Variants in NIM1K observed in about 807,000 individuals in gnomAD.
The protein encoded by NIM1K is serine/threonine-protein kinase NIM1.
A neutral mutation model predicts 37.1 loss-of-function variants in NIM1K; 35 were observed. That is an observed-to-expected ratio of 0.94 (90% CI 0.72 to 1.25). The LOEUF is 1.25. Among genes scored for constraint, NIM1K ranks in the 50% most tolerant of loss-of-function variants. The pLI is 0.00. For missense variants in NIM1K, 564 were observed against 548.0 expected, an observed-to-expected ratio of 1.03 and a Z score of -0.29; for synonymous variants, 234 against 206.6, an observed-to-expected ratio of 1.13 and a Z score of -1.14.
At chr5:43,226,173 G>A (rs1438299755) in intron 1 of NIM1K, among the ~76,000 whole-genome samples, 1 of 152,236 alleles carries the variant, frequency 6.6e-6, no homozygotes, top group Non-Finnish European at 1.5e-5. Flanking sequence ...GGCCTTGAAT[G>A]CCCTTTTAAG....
intron 1 of NIM1K, among the ~76,000 whole-genome samples, chr5:43,218,173 G>T (rs1752330234): frequency 6.6e-6 from 1 of 151,824 alleles, no homozygotes; most frequent in Admixed American, 6.6e-5. Context: ...ACCATGCCCG[G>T]CTAATTTTTG....
At chr5:43,208,907 A>G (rs746771246) in intron 1 of NIM1K, among the ~76,000 whole-genome samples, 14 of 152,216 alleles carry the variant, frequency 9.2e-5, no homozygotes, top group Non-Finnish European at 1.9e-4. Flanking sequence ...TGGCTCCCCT[A>G]GGGAAGTGTA....
chr5:43,225,025 A>G (rs1293906866), intron 1 of NIM1K, among the ~76,000 whole-genome samples: 1 of 152,154 alleles, frequency 6.6e-6, no homozygotes, highest in East Asian at 1.9e-4. Context: ...GGACAGATAC[A>G]AAAAGAGTGG....
intron 2 of NIM1K, among the ~76,000 whole-genome samples, chr5:43,269,767 C>T (rs1010746308): frequency 1.3e-5 from 2 of 152,000 alleles, no homozygotes; most frequent in African/African-American, 2.4e-5. Context: ...TACAGACACC[C>T]GCCACTACGC....
chr5:43,202,424 A>G (rs1315298179), intron 1 of NIM1K, among the ~76,000 whole-genome samples: 1 of 152,176 alleles, frequency 6.6e-6, no homozygotes, highest in African/African-American at 2.4e-5. Flanking sequence ...AGACAAAGTA[A>G]AGACATTTGG....
At chr5:43,193,908 C>G (rs571835950) in intron 1 of NIM1K, among the ~76,000 whole-genome samples, 18 of 152,244 alleles carry the variant, frequency 1.2e-4, no homozygotes, top group Non-Finnish European at 2.4e-4. Flanking sequence ...TCGTTGTCAC[C>G]ATGGTAATAA....
Position 43,234,008 on chromosome 5 carries a change from CG to C in NIM1K, c.-694-11071del, listed in dbSNP as rs1752580903. Among the ~76,000 whole-genome samples the C allele has an allele frequency of 2.0e-5, 3 of 152,258 alleles. No individual in the cohort carries two copies. In the South Asian group the frequency reaches 6.2e-4, roughly 32 times the overall value. On this transcript the variant is annotated intron_variant, in intron 1 of 3. Coordinates refer to ENST00000326035, the MANE Select transcript of NIM1K (RefSeq NM_153361.4). ...GATGAAAATTTTCATTGCAGAAACTCGGGTTTCTATTGGGACATGACTTCAT... is the reference window on the plus strand; with the variant it reads ...GATGAAAATTTTCATTGCAGAAACTCGGTTTCTATTGGGACATGACTTCAT...
intron 1 of NIM1K, among the ~76,000 whole-genome samples, chr5:43,214,828 A>AC (rs1561075661): frequency 1.3e-5 from 2 of 150,456 alleles, no homozygotes; most frequent in South Asian, 2.1e-4. Context: ...AAAAAAAAAA[A>AC]AAACAAAAAA....
rs560006514 is a variant in NIM1K, at chr5:43,237,216, C to T, written c.-694-7866C>T. ...TCGCCCAGAAGTTTTGTAAGTTAAACTCAGAGAGAACAAAGGTGAGATGGT... is the reference window on the plus strand; with the variant it reads ...TCGCCCAGAAGTTTTGTAAGTTAAATTCAGAGAGAACAAAGGTGAGATGGT... On this transcript the variant is annotated intron_variant, in intron 1 of 3. Transcript: ENST00000326035. 5.3e-5 allele frequency among the ~76,000 whole-genome samples: 8 copies of T among 152,300 alleles called. No individual in the cohort carries two copies. In the East Asian group the frequency reaches 9.6e-4, roughly 18 times the overall value.
At chr5:43,236,016 G>C (rs1752616366) in intron 1 of NIM1K, among the ~76,000 whole-genome samples, 1 of 152,128 alleles carries the variant, frequency 6.6e-6, no homozygotes, top group South Asian at 2.1e-4. Flanking sequence ...GTTCACGCCT[G>C]TAATCACAGC....
intron 1 of NIM1K, among the ~76,000 whole-genome samples, chr5:43,208,400 C>T (rs1248675621): frequency 2.0e-5 from 3 of 151,952 alleles, no homozygotes; most frequent in Non-Finnish European, 2.9e-5. Context: ...GTCAGGAGTT[C>T]GAGAACAGCC....
chr5:43,203,249 G>A (rs537402697), intron 1 of NIM1K, among the ~76,000 whole-genome samples: 1 of 152,310 alleles, frequency 6.6e-6, no homozygotes, highest in East Asian at 1.9e-4. Context: ...GATATCTATA[G>A]TGTTAAATCA....
intron 2 of NIM1K, among the ~76,000 whole-genome samples, chr5:43,248,740 C>G (rs1185219163): frequency 6.6e-6 from 1 of 152,012 alleles, no homozygotes; most frequent in Non-Finnish European, 1.5e-5. Flanking sequence ...AGTCTGAAAG[C>G]CAACAGACTC....
At chr5:43,212,692 T>G (rs555569433) in intron 1 of NIM1K, among the ~76,000 whole-genome samples, 78 of 152,262 alleles carry the variant, frequency 5.1e-4, no homozygotes, top group Non-Finnish European at 9.3e-4. Context: ...TGCAGCCTGA[T>G]AGAGACACCA....
intron 1 of NIM1K, among the ~76,000 whole-genome samples, chr5:43,211,947 C>T (rs532147375): frequency 1.3e-5 from 2 of 152,280 alleles, no homozygotes; most frequent in East Asian, 3.9e-4. Context: ...TCAAACCACA[C>T]ATGCAACTCA....
intron 1 of NIM1K, among the ~76,000 whole-genome samples, chr5:43,198,203 CTTTCTCTTTCTTTCTTTCTT>C (rs1174454970): frequency 1.8e-3 from 84 of 46,670 alleles, no homozygotes; most frequent in Non-Finnish European, 3.1e-3. Flanking sequence ...TTCTTTCTTT[CTTTCTCTTTCTTTCTTTCTT>C]TCTTTCTTTC....
chr5:43,280,219 C>T lies in NIM1K; in HGVS notation c.801C>T (p.Gly267=). 6.2e-7 allele frequency: 1 copy of T among 1,614,170 alleles called. No individual in the cohort carries two copies. The highest frequency in any genetic ancestry group is 8.5e-7 in the Non-Finnish European group (1 of 1,180,032). Residue 267 remains glycine, a synonymous_variant, in exon 4 of 4, where the codon GGC becomes GGT. Transcript: ENST00000326035. ...TGCTTTTGTACTTCATGGTGACTGG[C>T]ACCATGCCATTTCGGGCAGAAACCG... ...LGVLLYFMVT[G]TMPFRAETVA...
intron 1 of NIM1K, among the ~76,000 whole-genome samples, chr5:43,205,671 C>T (rs896153602): frequency 6.6e-6 from 1 of 152,114 alleles, no homozygotes; most frequent in Non-Finnish European, 1.5e-5. Flanking sequence ...ATTATATCAC[C>T]TTTCACAAAT....
At chr5:43,251,787 C>T (rs1752870724) in intron 2 of NIM1K, among the ~76,000 whole-genome samples, 1 of 152,212 alleles carries the variant, frequency 6.6e-6, no homozygotes, top group South Asian at 2.1e-4. Flanking sequence ...CCCACATCTA[C>T]ATAAACTCTC....
Sources: allele counts gnomAD v4.1 joint callset (sites outside exome capture counted in the v4.1 genomes callset), GRCh38; gene constraint gnomAD v4.1.1; transcripts MANE v1.5; gene names NCBI Gene and HGNC (gene_info 2026-07-23, HGNC 2026-07-21).